The following CNNM2 variants were observed in gnomAD, a reference collection of about 807,000 sequenced individuals.
The protein encoded by CNNM2 is cyclin and CBS domain divalent metal cation transport mediator 2, also known as metal transporter CNNM2.
A neutral mutation model predicts 66.9 loss-of-function variants in CNNM2; 12 were observed. That is an observed-to-expected ratio of 0.18 (90% CI 0.11 to 0.29). CNNM2 has a LOEUF of 0.29. Among genes scored for constraint, CNNM2 ranks in the 10% least tolerant of loss-of-function variants. The probability of loss-of-function intolerance (pLI) is 1.00; values close to 1 mark genes in which losing one functional copy is unlikely to be tolerated. For synonymous variants in CNNM2, 557 were observed against 501.8 expected (o/e 1.11, Z -1.47); for missense variants, 705 against 1,167.7 (o/e 0.60, Z 5.77).
intron 1 of CNNM2, among the ~76,000 whole-genome samples, chr10:103,002,349 A>G (rs1320970339): frequency 2.6e-5 from 4 of 152,242 alleles, no homozygotes; most frequent in Non-Finnish European, 5.9e-5. Context: ...ACAAATGAAC[A>G]ATAAGCACGT....
chr10:102,920,189 C>A (rs552611833), intron 1 of CNNM2, 88 bp downstream of exon 1: 3 of 1,610,646 alleles, frequency 1.9e-6, no homozygotes, highest in Non-Finnish European at 2.5e-6. Flanking sequence ...GACCAACCCC[C>A]CAAGGCGAGT....
chr10:102,949,772 A>G (rs900762595), intron 1 of CNNM2, among the ~76,000 whole-genome samples: 10 of 152,060 alleles, frequency 6.6e-5, no homozygotes, highest in Non-Finnish European at 8.8e-5. Flanking sequence ...CTTGGGCAAC[A>G]AGAGTGAAAC....
At chr10:103,038,529 C>T (rs888504183) in intron 1 of CNNM2, among the ~76,000 whole-genome samples, 2 of 152,144 alleles carry the variant, frequency 1.3e-5, no homozygotes, top group South Asian at 2.1e-4. Context: ...CTGTCATCGA[C>T]GCTAATAGAT....
chr10:102,945,525 C>A (rs1846586333), intron 1 of CNNM2, among the ~76,000 whole-genome samples: 1 of 152,078 alleles, frequency 6.6e-6, no homozygotes, highest in Non-Finnish European at 1.5e-5. Context: ...GGCAGATCAG[C>A]CTCCTCTCCT....
intron 1 of CNNM2, among the ~76,000 whole-genome samples, chr10:103,020,430 A>C (rs1347809380): frequency 4.6e-5 from 7 of 152,190 alleles, no homozygotes; most frequent in African/African-American, 1.7e-4. Context: ...TGCTGGGATT[A>C]CAGGCATGAG....
Position 103,079,433 on chromosome 10 carries a change from G to C in CNNM2, c.*2253G>C, listed in dbSNP as rs2065735472. 6.6e-6 allele frequency: 1 copy of C among 152,246 alleles called. No individual in the cohort carries two copies. Among genetic ancestry groups the C allele is most frequent in the African/African-American group, 2.4e-5 (1 of 41,444 alleles). The allele number at this position is 152,246 out of a possible 1,614,324, so 9.4% of individuals were successfully genotyped here. A position where few individuals can be genotyped will look rare whatever the true frequency, so the allele number is the denominator to read the frequency against. On this transcript the variant is annotated 3_prime_UTR_variant, in exon 8 of 8. Coordinates refer to ENST00000369878, the MANE Select transcript of CNNM2 (RefSeq NM_017649.5). ...GCTTCTCCACACACAGTCTCTCGGG[G>C]ATGCCTTGCTACTGGGAGAGCCTCT...
chr10:103,075,707 C>T (rs1197030122), intron 6 of CNNM2, among the ~76,000 whole-genome samples: 1 of 152,142 alleles, frequency 6.6e-6, no homozygotes, highest in Non-Finnish European at 1.5e-5. Context: ...AAGTGCTGTC[C>T]TCTGCGTAGC....
chr10:103,048,960 C>T (rs1421043492), intron 1 of CNNM2, among the ~76,000 whole-genome samples: 2 of 152,146 alleles, frequency 1.3e-5, no homozygotes, highest in Non-Finnish European at 2.9e-5. Flanking sequence ...GATCCTCCCA[C>T]CTCAGCCTCC....
chr10:102,979,919 T>TC (rs2063693339), intron 1 of CNNM2, among the ~76,000 whole-genome samples: 3 of 148,942 alleles, frequency 2.0e-5, no homozygotes, highest in South Asian at 2.2e-4. Context: ...CTTTTCTTTT[T>TC]ATTTTTTTTT....
chr10:102,971,570 T>A (rs200213183), intron 1 of CNNM2, among the ~76,000 whole-genome samples: 1 of 152,216 alleles, frequency 6.6e-6, no homozygotes, highest in Non-Finnish European at 1.5e-5. Context: ...TTGTGGCTGT[T>A]TTTTTCAGAA....
At chr10:102,948,982 G>A (rs1846721721) in intron 1 of CNNM2, among the ~76,000 whole-genome samples, 1 of 152,228 alleles carries the variant, frequency 6.6e-6, no homozygotes, top group Non-Finnish European at 1.5e-5. Flanking sequence ...ACTGGAAGCT[G>A]TCTGACCTCA....
At chr10:103,045,589 A>AC (rs1215567954) in intron 1 of CNNM2, among the ~76,000 whole-genome samples, 3 of 130,300 alleles carry the variant, frequency 2.3e-5, no homozygotes, top group Non-Finnish European at 4.9e-5. Flanking sequence ...CTTGCACCCC[A>AC]CCCCCCGCCA....
Position 103,024,033 on chromosome 10 carries a change from A to G in CNNM2, c.1622-25674A>G, listed in dbSNP as rs1480234511. Among the ~76,000 whole-genome samples, 5 of 152,180 alleles carry G rather than the reference A, an allele frequency of 3.3e-5. No individual in the cohort carries two copies. The East Asian group carries it at 9.6e-4, about 29-fold the overall frequency. The stretch of plus-strand genomic sequence containing the variant: ...CTCTTAAGAAAATTAGGGTACCCTA[A>G]AATCATTGACTACTCTCTCCATATT... On this transcript the variant is annotated intron_variant, in intron 1 of 7. Transcript: ENST00000369878.
Position 102,918,650 on chromosome 10 carries a change from G to C in CNNM2, c.170G>C (p.Cys57Ser), listed in dbSNP as rs1845512135. Reference sequence around the variant, plus strand: ...CTGCCGCTGCTCCTGCTGAGCTGCTGCTGCGGTGCGGGCGGCTGCGCAGCG... The same window carrying C: ...CTGCCGCTGCTCCTGCTGAGCTGCTCCTGCGGTGCGGGCGGCTGCGCAGCG... ...RLLPLLLLSC[C>S]CGAGGCAAVG... The change falls in exon 1 of 8, where the codon TGC (cysteine) becomes TCC (serine). Residue 57 changes from cysteine (C) to serine (S), a missense_variant. Around this residue, in one of 9 missense-constraint regions of CNNM2, gnomAD observed 37 missense variants for 58.5 expected, o/e 0.63. Transcript: ENST00000369878. This position sits in a 1 kb window ranked among gnomAD's most constrained non-coding sequence, Gnocchi z 4.1. 6.5e-7 allele frequency: 1 copy of C among 1,549,146 alleles called. No homozygotes were observed. The highest frequency in any genetic ancestry group is 1.4e-5 in the African/African-American group (1 of 72,536).
At chr10:103,057,710 AC>A (rs2065319200) in intron 4 of CNNM2, among the ~76,000 whole-genome samples, 1 of 152,202 alleles carries the variant, frequency 6.6e-6, no homozygotes, top group African/African-American at 2.4e-5. Context: ...TCTTCCATTA[AC>A]GCCATCAAAA....
intron 1 of CNNM2, among the ~76,000 whole-genome samples, chr10:103,024,270 A>G (rs967490084): frequency 2.0e-5 from 3 of 152,224 alleles, no homozygotes; most frequent in African/African-American, 7.2e-5. Flanking sequence ...TAGAGAAAAT[A>G]GACAATAAAC....
intron 1 of CNNM2, among the ~76,000 whole-genome samples, chr10:103,031,933 G>A (rs1309203283): frequency 6.6e-6 from 1 of 152,202 alleles, no homozygotes; most frequent in Non-Finnish European, 1.5e-5. Flanking sequence ...CCTAAGGCAG[G>A]AAGTGAAATA....
At chr10:102,971,139 C>T (rs2063540586) in intron 1 of CNNM2, among the ~76,000 whole-genome samples, 1 of 149,552 alleles carries the variant, frequency 6.7e-6, no homozygotes, top group Admixed American at 6.7e-5. Flanking sequence ...TTCAAGGCTG[C>T]AGTGAGCTAT....
At chr10:103,004,958 G>A (rs1473809800) in intron 1 of CNNM2, among the ~76,000 whole-genome samples, 1 of 152,240 alleles carries the variant, frequency 6.6e-6, no homozygotes, top group East Asian at 1.9e-4. Flanking sequence ...ATGGCTTATA[G>A]CCCTCCATTA....
Sources: allele counts gnomAD v4.1 joint callset (sites outside exome capture counted in the v4.1 genomes callset), GRCh38; gene constraint gnomAD v4.1.1; regional missense constraint gnomAD v4.1.1; non-coding constraint Gnocchi (gnomAD v3.1); transcripts MANE v1.5; gene names NCBI Gene and HGNC (gene_info 2026-07-23, HGNC 2026-07-21).